ZNF804B: variants seen among roughly 807,000 people sequenced by gnomAD.
ZNF804B encodes zinc finger 804B.
A neutral mutation model predicts 101.4 loss-of-function variants in ZNF804B; 80 were observed. That is an observed-to-expected ratio of 0.79 (90% CI 0.66 to 0.95). The LOEUF (loss-of-function observed/expected upper bound fraction) is 0.95, where lower values mean the gene tolerates loss of function less well. ZNF804B is among the 40% of genes least tolerant of loss of function. ZNF804B has a pLI of 0.00. For missense variants in ZNF804B, 1,673 were observed against 1,561.9 expected (o/e 1.07, Z -1.20); for synonymous variants, 622 against 558.8 (o/e 1.11, Z -1.59).
intron 1 of ZNF804B, among the ~76,000 whole-genome samples, chr7:88,960,209 G>A (rs1032830457): frequency 6.6e-6 from 1 of 151,150 alleles, no homozygotes; most frequent in East Asian, 2.0e-4. Flanking sequence ...AAATAACTAG[G>A]TGAAGATTAT....
In ZNF804B at chr7:88,876,036, A is replaced by G. The variant is rs906680786; in HGVS notation, c.108+115952A>G. On this transcript the variant is annotated intron_variant, in intron 1 of 3. Coordinates refer to ENST00000333190, the MANE Select transcript of ZNF804B (RefSeq NM_181646.5). ...CAAATCAATAAATGTAATCCAGCAT[A>G]TAAACAGAACCAAAGACAAATCCAT... Among the ~76,000 whole-genome samples the G allele has an allele frequency of 3.9e-5, 6 of 152,208 alleles. No homozygotes were observed. The South Asian group carries it at 1.0e-3, about 26-fold the overall frequency.
Position 89,278,429 on chromosome 7 carries a change from C to A in ZNF804B, c.250-48915C>A, listed in dbSNP as rs529652150. On this transcript the variant is annotated intron_variant, in intron 2 of 3. Transcript: ENST00000333190. ...TTTAGACATGAAGTCCTTGCCCGTGCCTATGTCCTGAATGGTAATGCCTAG... is the reference window on the plus strand; with the variant it reads ...TTTAGACATGAAGTCCTTGCCCGTGACTATGTCCTGAATGGTAATGCCTAG... Among the ~76,000 whole-genome samples the A allele has an allele frequency of 2.6e-3, 385 of 150,404 alleles. 3 individuals are homozygous for A. Among genetic ancestry groups the A allele is most frequent in the African/African-American group, 9.1e-3 (373 of 40,812 alleles).
At chr7:89,103,060 T>TTTGTTTGTTTTG (rs1790083843) in intron 1 of ZNF804B, among the ~76,000 whole-genome samples, 1 of 125,714 alleles carries the variant, frequency 8.0e-6, no homozygotes, top group African/African-American at 3.5e-5. Context: ...TTTTTTTTTT[T>TTTGTTTGTTTTG]TTTTTTTTTT....
chr7:89,087,485 C>A (rs1046273175), intron 1 of ZNF804B, among the ~76,000 whole-genome samples: 2 of 151,878 alleles, frequency 1.3e-5, no homozygotes, highest in Non-Finnish European at 2.9e-5. Flanking sequence ...ATAAATACAA[C>A]ATCAAAATAC....
intron 1 of ZNF804B, among the ~76,000 whole-genome samples, chr7:88,874,302 A>AT (rs1355597609): frequency 6.6e-6 from 1 of 151,828 alleles, no homozygotes; most frequent in Non-Finnish European, 1.5e-5. Context: ...AATGCTTTTG[A>AT]TTTTTGTACA....
At chr7:89,201,066 T>G (rs189106636) in intron 1 of ZNF804B, among the ~76,000 whole-genome samples, 16 of 152,174 alleles carry the variant, frequency 1.1e-4, no homozygotes, top group African/African-American at 3.1e-4. Flanking sequence ...CGTATTTATT[T>G]AGATTTTTTA....
At chr7:89,233,973 A>C (rs780772051) in intron 2 of ZNF804B, among the ~76,000 whole-genome samples, 1 of 152,198 alleles carries the variant, frequency 6.6e-6, no homozygotes, top group Non-Finnish European at 1.5e-5. Context: ...ATAGAGTAAA[A>C]GCCTTAGCAT....
intron 2 of ZNF804B, among the ~76,000 whole-genome samples, chr7:89,251,693 A>G (rs1301487889): frequency 6.6e-6 from 1 of 152,146 alleles, no homozygotes; most frequent in Non-Finnish European, 1.5e-5. Flanking sequence ...TGGTTACTGT[A>G]CTTTCTATTA....
At chr7:88,945,246 A>G (rs1793110661) in intron 1 of ZNF804B, among the ~76,000 whole-genome samples, 1 of 152,044 alleles carries the variant, frequency 6.6e-6, no homozygotes, top group African/African-American at 2.4e-5. Flanking sequence ...TCTTTAATCC[A>G]TCTTGAGTTA....
chr7:89,148,582 C>T (rs1790824102), intron 1 of ZNF804B, among the ~76,000 whole-genome samples: 1 of 151,986 alleles, frequency 6.6e-6, no homozygotes, highest in East Asian at 1.9e-4. Flanking sequence ...AATATTAATA[C>T]AAGTAGTTGA....
In ZNF804B at chr7:89,334,646, A is replaced by G. The variant is rs1444643952; in HGVS notation, c.1664A>G (p.Asp555Gly). The change falls in exon 4 of 4, where the codon GAC becomes GGC. Residue 555 changes from aspartate (D) to glycine (G), a missense_variant. By Grantham distance (94) the Asp-to-Gly change is moderately conservative. Coordinates refer to ENST00000333190, the MANE Select transcript of ZNF804B (RefSeq NM_181646.5). ...WEKFQRKYNLDYSDSEPNKSE... is the reference protein window; with the variant it reads ...WEKFQRKYNLGYSDSEPNKSE... ...AAATTCCAGAGGAAATATAATTTGG[A>G]CTACAGTGATTCTGAGCCAAATAAG... 5 of 1,613,684 alleles carry G rather than the reference A, an allele frequency of 3.1e-6. No homozygotes were observed. Among genetic ancestry groups the G allele is most frequent in the Non-Finnish European group, 4.2e-6 (5 of 1,179,854 alleles).
chr7:89,146,644 C>T (rs923177507), intron 1 of ZNF804B, among the ~76,000 whole-genome samples: 1 of 151,926 alleles, frequency 6.6e-6, no homozygotes, highest in Non-Finnish European at 1.5e-5. Flanking sequence ...TTCAGAATAA[C>T]TGTAAATGAG....
At chr7:89,047,766 G>T in intron 1 of ZNF804B, among the ~76,000 whole-genome samples, 1 of 152,022 alleles carries the variant, frequency 6.6e-6, no homozygotes, top group Admixed American at 6.6e-5. Context: ...TGAAGCAGAA[G>T]GCATGAACAC....
chr7:89,183,395 A>G (rs553757952), intron 1 of ZNF804B, among the ~76,000 whole-genome samples: 1 of 152,178 alleles, frequency 6.6e-6, no homozygotes, highest in East Asian at 1.9e-4. Flanking sequence ...GAGTAAAAAA[A>G]AAGATCCTAA....
At chr7:88,875,645 C>A (rs370753855) in intron 1 of ZNF804B, among the ~76,000 whole-genome samples, 4 of 151,886 alleles carry the variant, frequency 2.6e-5, no homozygotes, top group Admixed American at 6.6e-5. Flanking sequence ...CAATAACAGG[C>A]TCTGAAATTG....
At chr7:88,917,264 CA>C (rs910501924) in intron 1 of ZNF804B, among the ~76,000 whole-genome samples, 3 of 149,262 alleles carry the variant, frequency 2.0e-5, no homozygotes, top group East Asian at 2.0e-4. Flanking sequence ...GACTCTGTCT[CA>C]AAAAAAAACT....
intron 1 of ZNF804B, among the ~76,000 whole-genome samples, chr7:89,085,316 A>G (rs1398487042): frequency 1.1e-4 from 16 of 151,980 alleles, no homozygotes; most frequent in Admixed American, 9.9e-4. Context: ...AGAACTCCAA[A>G]TAAGAAATCT....
Position 89,321,404 on chromosome 7 carries a change from G to A in ZNF804B, c.250-5940G>A, listed in dbSNP as rs1185051275. Among the ~76,000 whole-genome samples, 12 of 152,156 alleles carry A rather than the reference G, an allele frequency of 7.9e-5. No homozygotes were observed. The East Asian group carries it at 1.5e-3, about 20-fold the overall frequency. ...TGAGACAGGAGAATGGCATGAACCCGAGAGGTGGAGCTTTCAGTGAGCTGA... is the reference window on the plus strand; with the variant it reads ...TGAGACAGGAGAATGGCATGAACCCAAGAGGTGGAGCTTTCAGTGAGCTGA... On this transcript the variant is annotated intron_variant, in intron 2 of 3. Coordinates refer to ENST00000333190, the MANE Select transcript of ZNF804B (RefSeq NM_181646.5).
At chr7:88,901,270 A>G (rs1391113182) in intron 1 of ZNF804B, among the ~76,000 whole-genome samples, 1 of 151,886 alleles carries the variant, frequency 6.6e-6, no homozygotes, top group African/African-American at 2.4e-5. Context: ...ACTTGTCTGA[A>G]ATGTAGTTAT....
Sources: allele counts gnomAD v4.1 joint callset (sites outside exome capture counted in the v4.1 genomes callset), GRCh38; gene constraint gnomAD v4.1.1; transcripts MANE v1.5; gene names NCBI Gene and HGNC (gene_info 2026-07-23, HGNC 2026-07-21).